RANGAP1: variants seen among roughly 807,000 people sequenced by gnomAD.
RANGAP1 encodes Ran GTPase activating protein 1.
Under a neutral mutation model 63.5 loss-of-function variants are expected in RANGAP1, and 38 were observed. That is an observed-to-expected ratio of 0.60 (90% CI 0.46 to 0.78). RANGAP1 has a LOEUF of 0.78. Ranked by LOEUF, RANGAP1 falls within the 30% of genes least tolerant of loss-of-function variation. RANGAP1 has a pLI of 0.00. For missense variants in RANGAP1, 630 were observed against 740.3 expected (o/e 0.85, Z 1.73); for synonymous variants, 329 against 310.5 (o/e 1.06, Z -0.63).
chr22:41,275,780 A>AG (rs2035102969), intron 2 of RANGAP1, among the ~76,000 whole-genome samples: 1 of 135,738 alleles, frequency 7.4e-6, no homozygotes, highest in African/African-American at 2.5e-5. Context: ...CTCTGTCTCA[A>AG]GAAAAAAAAA....
chr22:41,268,799 A>G (rs2034629067), intron 3 of RANGAP1, among the ~76,000 whole-genome samples: 2 of 151,884 alleles, frequency 1.3e-5, no homozygotes, highest in South Asian at 2.1e-4. Context: ...TCACGCCTGT[A>G]ATCCCAGCAC....
At chr22:41,280,738 G>A (rs746446482) in intron 2 of RANGAP1, 195 bp downstream of exon 2, 38 of 1,517,276 alleles carry the variant, frequency 2.5e-5, no homozygotes, top group Non-Finnish European at 3.3e-5. Context: ...TACAAACATG[G>A]AAAGTGCAGG....
chr22:41,265,514 G>A (rs909945493), intron 4 of RANGAP1, among the ~76,000 whole-genome samples: 7 of 152,174 alleles, frequency 4.6e-5, no homozygotes, highest in African/African-American at 1.7e-4. Context: ...ACATGCAGAA[G>A]CTGTTGGTTC....
chr22:41,285,516 C>T (rs1232603506), intron 1 of RANGAP1: 1 of 985,372 alleles, frequency 1.0e-6, no homozygotes, highest in African/African-American at 1.7e-5. Flanking sequence ...GAGATGCATG[C>T]TCCTGCAAAG....
At chr22:41,262,665 G>C in intron 5 of RANGAP1, among the ~76,000 whole-genome samples, 1 of 146,070 alleles carries the variant, frequency 6.8e-6, no homozygotes, top group Admixed American at 6.6e-5. Flanking sequence ...ACGCACACAC[G>C]ATCACGCACA....
At chr22:41,263,750 T>A (rs1011614999) in intron 5 of RANGAP1, among the ~76,000 whole-genome samples, 1 of 152,218 alleles carries the variant, frequency 6.6e-6, no homozygotes, top group African/African-American at 2.4e-5. Flanking sequence ...GGGGGAGGGC[T>A]GGCTAAGGCA....
chr22:41,248,354 G>GT (rs1366904078), intron 15 of RANGAP1, among the ~76,000 whole-genome samples: 4 of 152,122 alleles, frequency 2.6e-5, no homozygotes, highest in African/African-American at 9.7e-5. Context: ...CGGCCAGAAG[G>GT]TAAGGCCTGG....
chr22:41,269,619 C>T (rs1269426119), intron 3 of RANGAP1, among the ~76,000 whole-genome samples: 1 of 151,658 alleles, frequency 6.6e-6, no homozygotes, highest in African/African-American at 2.4e-5. Flanking sequence ...CCTGTAGTCC[C>T]AGCCACTCTA....
At chr22:41,256,569 TCA>T (rs2033848888) in intron 8 of RANGAP1, 140 bp downstream of exon 8, 2 of 719,338 alleles carry the variant, frequency 2.8e-6, no homozygotes, top group Non-Finnish European at 4.6e-6. Context: ...GTGTGGAGGC[TCA>T]CACAGCATCA....
the RANGAP1 span, among the ~76,000 whole-genome samples, chr22:41,301,197 G>T: frequency 2.0e-5 from 3 of 152,214 alleles, no homozygotes; most frequent in East Asian, 5.8e-4. Context: ...AGGGTTTTGG[G>T]CAGCCTTCCA....
chr22:41,280,626 C>A, intron 2 of RANGAP1: 2 of 1,274,516 alleles, frequency 1.6e-6, no homozygotes, highest in Non-Finnish European at 2.1e-6. Context: ...GATATTAAGT[C>A]AGAGTCAGAG....
chr22:41,248,523 C>T (rs112449814), intron 15 of RANGAP1, among the ~76,000 whole-genome samples: 1 of 152,236 alleles, frequency 6.6e-6, no homozygotes, highest in Non-Finnish European at 1.5e-5. Context: ...GCTCCCCCAG[C>T]AAAGGGACTT....
At chr22:41,258,417 C>T (rs1394170927) in intron 6 of RANGAP1, among the ~76,000 whole-genome samples, 1 of 152,238 alleles carries the variant, frequency 6.6e-6, no homozygotes, top group African/African-American at 2.4e-5. Context: ...GTCCTCAGCA[C>T]AGTGGGGACC....
chr22:41,252,984 GCTGGCTC>G lies in RANGAP1; in HGVS notation c.1261_1267del (p.Glu421LeufsTer27). ...AGGAGGTGGGGAGGACAGCACGGGA[GCTGGCTC>G]CTGGGAAGTAGGGGCACAGAGGCTC... is the stretch of plus-strand genomic sequence containing the variant. On this transcript the variant is annotated frameshift_variant and splice_region_variant, in exon 12 of 16. Transcript: ENST00000356244. LOFTEE classifies it high-confidence loss of function. The G allele has an allele frequency of 1.3e-6, 2 of 1,499,528 alleles. No homozygotes were observed. 92.9% of individuals were successfully genotyped at this position (1,499,528 alleles called of 1,614,324 possible).
chr22:41,284,742 G>A (rs2035669776), intron 1 of RANGAP1, among the ~76,000 whole-genome samples: 2 of 152,134 alleles, frequency 1.3e-5, no homozygotes, highest in Non-Finnish European at 2.9e-5. Flanking sequence ...TGTGGTGGCA[G>A]GTGCCTGCAG....
At chr22:41,272,872 G>C (rs1001278627) in intron 3 of RANGAP1, among the ~76,000 whole-genome samples, 1 of 151,872 alleles carries the variant, frequency 6.6e-6, no homozygotes, top group African/African-American at 2.4e-5. Context: ...GAGTGTAGTG[G>C]TGCAATCTTG....
At chr22:41,292,238 C>T in the RANGAP1 span, among the ~76,000 whole-genome samples, 1 of 152,030 alleles carries the variant, frequency 6.6e-6, no homozygotes, top group Non-Finnish European at 1.5e-5. Context: ...ACCTCTGCCT[C>T]CTTGGTTCAA....
At chr22:41,250,967 A>G (rs1428977978) in intron 13 of RANGAP1, 40 bp downstream of exon 13, 4 of 1,535,930 alleles carry the variant, frequency 2.6e-6, no homozygotes, top group Non-Finnish European at 3.6e-6. Flanking sequence ...ACGAGCATCA[A>G]GGGACAGAGG....
At chr22:41,254,692 G>A in intron 10 of RANGAP1, 198 bp from the exon 11 acceptor site, 1 of 971,582 alleles carries the variant, frequency 1.0e-6, no homozygotes, top group Non-Finnish European at 1.2e-6. Flanking sequence ...AATAAGATCG[G>A]CCCGGCGCGG....
Sources: allele counts gnomAD v4.1 joint callset (sites outside exome capture counted in the v4.1 genomes callset), GRCh38; gene constraint gnomAD v4.1.1; transcripts MANE v1.5; gene names NCBI Gene and HGNC (gene_info 2026-07-23, HGNC 2026-07-21).